Variants in LAMB2 observed in about 807,000 individuals in gnomAD.
LAMB2 encodes laminin subunit beta 2.
In LAMB2, 119 loss-of-function variants were observed where a neutral mutation model predicts 202.7. The ratio of observed to expected loss-of-function variants is 0.59; its 90% CI spans 0.51 to 0.68. The LOEUF (loss-of-function observed/expected upper bound fraction) is 0.68, where lower values mean the gene tolerates loss of function less well. LAMB2 is among the 30% of genes least tolerant of loss of function. The pLI, the probability that LAMB2 is intolerant of heterozygous loss-of-function variation, is 0.00. For missense variants in LAMB2, 2,124 were observed against 2,410.6 expected (o/e 0.88, Z 2.49); for synonymous variants, 818 against 902.2 (o/e 0.91, Z 1.67).
In LAMB2 at chr3:49,123,143, T is replaced by C; in HGVS notation, c.4213A>G (p.Ile1405Val). ...CACTTCAACCTCACCAGCTCATTTA[T>C]GTCTGTCAGGCTCAGGGTGTGGGTA... is the stretch of plus-strand genomic sequence containing the variant. ...AHTHTLSLTD[I>V]NELVCGAPGD... Residue 1405 changes from isoleucine to valine, a missense_variant, in exon 26 of 32, where the codon ATA becomes GTA. Ile to Val is a conservative substitution (Grantham distance 29). This residue lies in a region of LAMB2 where 1,702 missense variants were observed against 1,896.3 expected (regional missense o/e 0.90). Transcript: ENST00000305544. The C allele has an allele frequency of 6.2e-7, 1 of 1,612,740 alleles. No individual in the cohort carries two copies. Among genetic ancestry groups the C allele is most frequent in the Admixed American group, 1.7e-5 (1 of 60,024 alleles).
chr3:49,123,544 A>G lies in LAMB2; in HGVS notation c.3885T>C (p.His1295=), dbSNP rs750661078. The change falls in exon 25 of 32, where the codon CAT becomes CAC. Residue 1295 remains histidine, a synonymous_variant. Coordinates refer to ENST00000305544, the MANE Select transcript of LAMB2 (RefSeq NM_002292.4). ...DVQDENFNAN[H]ALSGLERDRL... is the part of the protein sequence containing the mutation. ...TATCTCGCTCCAGACCACTTAGTGCATGGTTGGCATTGAAGTTCTCATCTT... is the reference window on the plus strand; with the variant it reads ...TATCTCGCTCCAGACCACTTAGTGCGTGGTTGGCATTGAAGTTCTCATCTT... 1 of 1,614,070 alleles carries G rather than the reference A, an allele frequency of 6.2e-7. No homozygotes were observed. Among genetic ancestry groups the G allele is most frequent in the African/African-American group, 1.3e-5 (1 of 74,930 alleles).
Position 49,130,601 on chromosome 3 carries a change from G to A in LAMB2, c.1036+139C>T. 1 of 1,418,294 alleles carries A rather than the reference G, an allele frequency of 7.1e-7. No homozygotes were observed. Among genetic ancestry groups the A allele is most frequent in the Non-Finnish European group, 9.9e-7 (1 of 1,014,160 alleles). The allele number at this position is 1,418,294 out of a possible 1,614,324, so 87.9% of individuals were successfully genotyped here. A position where few individuals can be genotyped will look rare whatever the true frequency, so the allele number is the denominator to read the frequency against. ...CAGACTGCAGAGGAGGATTGAGGGG[G>A]TCCCAAGGGGCATCAAGGTCTGCAT... On this transcript the variant is annotated intron_variant, in intron 8 of 31. Coordinates refer to ENST00000305544, the MANE Select transcript of LAMB2 (RefSeq NM_002292.4). The surrounding 1 kb of genome is among the most constrained non-coding windows in gnomAD (Gnocchi z 5.0).
At position 49,132,176 on chromosome 3, in the gene LAMB2, G is replaced by T; in HGVS notation, c.399C>A (p.Val133=). 6.2e-7 allele frequency: 1 copy of T among 1,614,156 alleles called. No individual in the cohort carries two copies. The highest frequency in any genetic ancestry group is 1.1e-5 in the South Asian group (1 of 91,054). The change falls in exon 4 of 32, where the codon GTC becomes GTA. Residue 133 remains valine (V), a synonymous_variant. Transcript: ENST00000305544. The surrounding 1 kb of genome is among the most constrained non-coding windows in gnomAD (Gnocchi z 4.6). The part of the protein sequence containing the change: ...WWQSENGIPA[V]TIQLDLEAEF... ...CAGCCTCCAGGTCCAGCTGGATGGT[G>T]ACCGCAGGGATACCTGGGACAGGAA...
chr3:49,121,657 T>C (rs906807533), intron 30 of LAMB2, 27 bp downstream of exon 30: 3 of 1,613,952 alleles, frequency 1.9e-6, no homozygotes, highest in Admixed American at 3.3e-5. Context: ...ACCCCTACCT[T>C]CTCCAGCTGG....
At position 49,126,123 on chromosome 3, in the gene LAMB2, A is replaced by C; in HGVS notation, c.2188T>G (p.Phe730Val). Reference protein sequence around the residue: ...LLPRVLVLEMFSGGDAAALER... With the variant: ...LLPRVLVLEMVSGGDAAALER... ...AGGGCAGCAGCATCACCCCCACTAA[A>C]CATCTCTAGCACCAGGACACGGGGC... Residue 730 changes from phenylalanine to valine, a missense_variant, in exon 17 of 32, where the codon TTT (phenylalanine) becomes GTT (valine). Physicochemically the swap from Phe to Val is conservative, Grantham distance 50. Coordinates refer to ENST00000305544, the MANE Select transcript of LAMB2 (RefSeq NM_002292.4). The C allele has an allele frequency of 1.2e-6, 2 of 1,613,408 alleles. No homozygotes were observed. The highest frequency in any genetic ancestry group is 8.5e-7 in the Non-Finnish European group (1 of 1,179,982).
In LAMB2 at chr3:49,123,645, G is replaced by C; in HGVS notation, c.3798-14C>G. On this transcript the variant is annotated splice_polypyrimidine_tract_variant and intron_variant, in intron 24 of 31. Coordinates refer to ENST00000305544, the MANE Select transcript of LAMB2 (RefSeq NM_002292.4). ...CCAATTTCACGCCTGCAATGATGGAGAGGGGGGTGTTTAGAGAGGCTTCAG... is the reference window on the plus strand; with the variant it reads ...CCAATTTCACGCCTGCAATGATGGACAGGGGGGTGTTTAGAGAGGCTTCAG... 1 of 1,614,106 alleles carries C rather than the reference G, an allele frequency of 6.2e-7. No homozygotes were observed. The highest frequency in any genetic ancestry group is 8.5e-7 in the Non-Finnish European group (1 of 1,180,042).
rs2045458967 is a variant in LAMB2, at chr3:49,129,540, C to T, written c.1518+64G>A. Reference sequence around the variant, plus strand: ...CACCCACCCACTGGCATAGATGTGACACCCCAGCCCTGTGCTCTAAGGACA... The same window carrying T: ...CACCCACCCACTGGCATAGATGTGATACCCCAGCCCTGTGCTCTAAGGACA... On this transcript the variant is annotated intron_variant, in intron 11 of 31. Coordinates refer to ENST00000305544, the MANE Select transcript of LAMB2 (RefSeq NM_002292.4). The surrounding 1 kb of genome is among the most constrained non-coding windows in gnomAD (Gnocchi z 6.1). 1 of 1,363,996 alleles carries T rather than the reference C, an allele frequency of 7.3e-7. No individual in the cohort carries two copies. Among genetic ancestry groups the T allele is most frequent in the Non-Finnish European group, 1.0e-6 (1 of 958,440 alleles). The allele number at this position is 1,363,996 out of a possible 1,614,324, so 84.5% of individuals were successfully genotyped here. A position where few individuals can be genotyped will look rare whatever the true frequency, so the allele number is the denominator to read the frequency against.
chr3:49,122,391 C>T (rs1036770366), intron 27 of LAMB2, 21 bp from the exon 28 acceptor site: 18 of 1,607,848 alleles, frequency 1.1e-5, no homozygotes, highest in Non-Finnish European at 1.4e-5. Flanking sequence ...ACAGCAAGAA[C>T]TTAAGAACAT....
At position 49,132,702 on chromosome 3, in the gene LAMB2, T is replaced by C; in HGVS notation, c.77-39A>G. The C allele has an allele frequency of 6.2e-7, 1 of 1,613,944 alleles. No individual in the cohort carries two copies. The highest frequency in any genetic ancestry group is 8.5e-7 in the Non-Finnish European group (1 of 1,179,858). ...CTCAGTCAGTTCCGCTGAGTTCCTATCCAGTGGCTCCACCTCATGTGCCCC... is the reference window on the plus strand; with the variant it reads ...CTCAGTCAGTTCCGCTGAGTTCCTACCCAGTGGCTCCACCTCATGTGCCCC... On this transcript the variant is annotated intron_variant, in intron 1 of 31. Transcript: ENST00000305544. The surrounding 1 kb of genome is among the most constrained non-coding windows in gnomAD (Gnocchi z 4.6).
intron 15 of LAMB2, among the ~76,000 whole-genome samples, 187 bp downstream of exon 15, chr3:49,128,271 C>T (rs1030729741): frequency 3.9e-5 from 6 of 152,320 alleles, no homozygotes; most frequent in African/African-American, 1.4e-4. Flanking sequence ...GAGAGCAGGC[C>T]TTGATCTGTC....
chr3:49,132,092 G>A lies in LAMB2; in HGVS notation c.459+24C>T. 6.2e-7 allele frequency: 1 copy of A among 1,608,692 alleles called. No homozygotes were observed. Among genetic ancestry groups the A allele is most frequent in the Non-Finnish European group, 8.5e-7 (1 of 1,175,086 alleles). ...TGGAGAGCCAAGCAGGGTGATTCGG[G>A]CAGGCTCCCAGATATGCAGGCACCT... On this transcript the variant is annotated intron_variant, in intron 4 of 31. Transcript: ENST00000305544. This position sits in a 1 kb window ranked among gnomAD's most constrained non-coding sequence, Gnocchi z 4.6.
chr3:49,125,304 G>A lies in LAMB2; in HGVS notation c.2669C>T (p.Thr890Ile), dbSNP rs527639885. The A allele has an allele frequency of 4.0e-4, 645 of 1,613,952 alleles. 7 individuals are homozygous for A. The South Asian group carries it at 6.6e-3, about 16-fold the overall frequency. Residue 890 changes from threonine to isoleucine, a missense_variant, in exon 19 of 32, where the codon ACA (threonine) becomes ATA (isoleucine). Around this residue, in one of 3 missense-constraint regions of LAMB2, gnomAD observed 1,702 missense variants for 1,896.3 expected, o/e 0.90. Transcript: ENST00000305544. ...ATCACGGCAGCCCAGGCAAGCGCCTGTGTGGGTGTTGCACTCATCTGCATG... is the reference window on the plus strand; with the variant it reads ...ATCACGGCAGCCCAGGCAAGCGCCTATGTGGGTGTTGCACTCATCTGCATG... ...NGHADECNTH[T>I]GACLGCRDHT...
chr3:49,122,570 C>G, intron 27 of LAMB2, 134 bp downstream of exon 27: 2 of 962,092 alleles, frequency 2.1e-6, no homozygotes, highest in Non-Finnish European at 1.7e-6. Flanking sequence ...GGCAATAACT[C>G]AGGAGCCAGT....
chr3:49,125,268 C>T lies in LAMB2; in HGVS notation c.2705G>A (p.Gly902Asp). 6.2e-7 allele frequency: 1 copy of T among 1,613,968 alleles called. No homozygotes were observed. Among genetic ancestry groups the T allele is most frequent in the Non-Finnish European group, 8.5e-7 (1 of 1,180,034 alleles). ...ACLGCRDHTG[G>D]EHCERCIAGF... ...CCAGTCTCACCTTTCACAGTGCTCA[C>T]CCCCTGTGTGATCACGGCAGCCCAG... Residue 902 changes from glycine (G) to aspartate (D), a missense_variant, in exon 19 of 32, where the codon GGT (glycine) becomes GAT (aspartate). This residue lies in a region of LAMB2 where 1,702 missense variants were observed against 1,896.3 expected (regional missense o/e 0.90). Transcript: ENST00000305544.
rs1249437829 is a variant in LAMB2, at chr3:49,124,461, G to A, written c.3261C>T (p.Thr1087=). The change falls in exon 22 of 32, where the codon ACC becomes ACT. Residue 1087 remains threonine, a synonymous_variant. Transcript: ENST00000305544. ...DRCAPNFWNL[T]SGHGCQPCAC... is the part of the protein sequence containing the mutation. ...CACAAGGCTGGCAACCATGGCCACT[G>A]GTGAGGTTCCAGAAGTTGGGGGCAC... 1 of 1,613,724 alleles carries A rather than the reference G, an allele frequency of 6.2e-7. No individual in the cohort carries two copies. The highest frequency in any genetic ancestry group is 2.2e-5 in the East Asian group (1 of 44,886).
chr3:49,130,527 G>A lies in LAMB2; in HGVS notation c.1037-108C>T. ...TCACAGGCCAGAATTTGTGGGTAGG[G>A]GCTCAGGGACTTCAAGGCCTCAGCA... On this transcript the variant is annotated intron_variant, in intron 8 of 31. Coordinates refer to ENST00000305544, the MANE Select transcript of LAMB2 (RefSeq NM_002292.4). This position sits in a 1 kb window ranked among gnomAD's most constrained non-coding sequence, Gnocchi z 5.0. The A allele has an allele frequency of 7.0e-7, 1 of 1,430,736 alleles. No individual in the cohort carries two copies. Among genetic ancestry groups the A allele is most frequent in the Non-Finnish European group, 9.8e-7 (1 of 1,019,896 alleles). 88.6% of individuals were successfully genotyped at this position (1,430,736 alleles called of 1,614,324 possible).
At position 49,122,377 on chromosome 3, in the gene LAMB2, G is replaced by T; in HGVS notation, c.4574-7C>A. On this transcript the variant is annotated splice_polypyrimidine_tract_variant and splice_region_variant and intron_variant, in intron 27 of 31. Transcript: ENST00000305544. ...TCAGGATCAGCCCCCTCCTCTATAG[G>T]GACACAGCAAGAACTTAAGAACATA... 1 of 1,612,264 alleles carries T rather than the reference G, an allele frequency of 6.2e-7. No individual in the cohort carries two copies. Among genetic ancestry groups the T allele is most frequent in the Non-Finnish European group, 8.5e-7 (1 of 1,179,254 alleles).
rs766090395 is a variant in LAMB2, at chr3:49,124,718, G to A, written c.3092C>T (p.Ala1031Val). 1.2e-6 allele frequency: 2 copies of A among 1,614,164 alleles called. No individual in the cohort carries two copies. Among genetic ancestry groups the A allele is most frequent in the Non-Finnish European group, 1.7e-6 (2 of 1,180,010 alleles). Reference sequence around the variant, plus strand: ...ATACTCACGGTGACAGCTCTGTCGGGCAGCCTGCCCATGGAAGCCAGGCTT... The same window carrying A: ...ATACTCACGGTGACAGCTCTGTCGGACAGCCTGCCCATGGAAGCCAGGCTT... ...HCKPGFHGQA[A>V]RQSCHRCTCN... The change falls in exon 21 of 32, where the codon GCC becomes GTC. Residue 1031 changes from alanine (A) to valine (V), a missense_variant. Physicochemically the swap from Ala to Val is moderately conservative, Grantham distance 64. Transcript: ENST00000305544.
At chr3:49,128,034 A>G (rs956389280) in intron 15 of LAMB2, among the ~76,000 whole-genome samples, 11 of 150,620 alleles carry the variant, frequency 7.3e-5, no homozygotes, top group Non-Finnish European at 1.0e-4. Flanking sequence ...AAAAAAAAAA[A>G]AAAAAGAAAA....
Sources: gnomAD v4.1 joint callset for allele counts (sites outside exome capture counted in the v4.1 genomes callset) on GRCh38, gnomAD v4.1.1 for gene constraint, gnomAD v4.1.1 regional missense constraint, Gnocchi (gnomAD v3.1) non-coding constraint, MANE v1.5 for transcripts, NCBI Gene and HGNC (gene_info 2026-07-23, HGNC 2026-07-21) for gene names.